FRY: variants seen among roughly 807,000 people sequenced by gnomAD.
The protein encoded by FRY is protein furry homolog.
A neutral mutation model predicts 348.4 loss-of-function variants in FRY; 128 were observed. That is an observed-to-expected ratio of 0.37 (90% CI 0.32 to 0.43). FRY has a LOEUF of 0.43. Ranked by LOEUF, FRY falls within the 20% of genes least tolerant of loss-of-function variation. The pLI, the probability that FRY is intolerant of heterozygous loss-of-function variation, is 1.00. For synonymous variants in FRY, 1,370 were observed against 1,374.7 expected, an observed-to-expected ratio of 1.00 and a Z score of 0.08; for missense variants, 2,736 against 3,695.2, an observed-to-expected ratio of 0.74 and a Z score of 6.73.
intron 57 of FRY, among the ~76,000 whole-genome samples, chr13:32,277,360 A>T (rs770671522): frequency 1.1e-4 from 17 of 152,242 alleles, no homozygotes; most frequent in Non-Finnish European, 2.2e-4. Flanking sequence ...TGTTGTGAAG[A>T]TATAACAATT....
chr13:32,131,930 A>G, intron 8 of FRY, 90 bp downstream of exon 8: 1 of 961,758 alleles, frequency 1.0e-6, no homozygotes, highest in Non-Finnish European at 1.7e-6. Flanking sequence ...AAAGCCAATT[A>G]CTTGTCAATA....
chr13:32,060,132 T>C (rs1873859049), intron 1 of FRY, among the ~76,000 whole-genome samples: 1 of 152,256 alleles, frequency 6.6e-6, no homozygotes. Context: ...TTACTTGGGT[T>C]TCGGTCTCTT....
intron 1 of FRY, among the ~76,000 whole-genome samples, chr13:32,056,626 C>G (rs2138425005): frequency 6.6e-6 from 1 of 152,336 alleles, no homozygotes; most frequent in Admixed American, 6.5e-5. Context: ...CCCTTAAACA[C>G]AGCCTCAGAG....
Position 32,234,729 on chromosome 13 carries a change from G to A in FRY, c.5683G>A (p.Glu1895Lys). 6.2e-7 allele frequency: 1 copy of A among 1,614,148 alleles called. No homozygotes were observed. The change falls in exon 42 of 61, where the codon GAG becomes AAG. Residue 1895 changes from glutamate to lysine, a missense_variant. Physicochemically the swap from Glu to Lys is moderately conservative, Grantham distance 56 (BLOSUM62 1). This residue lies in a region of FRY where 794 missense variants were observed against 977.0 expected (regional missense o/e 0.81). Transcript: ENST00000542859. ...ATCTGACCTTCTCTCAAGATTGGTG[G>A]AGGTGATAGGAGAACATGGAGATGA... Reference protein sequence around the residue: ...ALSDLLSRLVEVIGEHGDEIQ... With the variant: ...ALSDLLSRLVKVIGEHGDEIQ...
Position 32,043,879 on chromosome 13 carries a change from G to C in FRY, c.70+12014G>C, listed in dbSNP as rs117729467. On this transcript the variant is annotated intron_variant, in intron 1 of 60. Coordinates refer to ENST00000542859, the MANE Select transcript of FRY (RefSeq NM_023037.3). ...CAAATTATAAGAAATAATATTTTTA[G>C]ATCAATCACTTGAGCCCCTTAAGAT... Among the ~76,000 whole-genome samples the C allele has an allele frequency of 4.6e-5, 7 of 152,188 alleles. No individual in the cohort carries two copies. The East Asian group carries it at 1.2e-3, about 25-fold the overall frequency.
intron 58 of FRY, among the ~76,000 whole-genome samples, chr13:32,288,391 G>A (rs1258164778): frequency 1.3e-5 from 2 of 152,186 alleles, no homozygotes; most frequent in African/African-American, 4.8e-5. Flanking sequence ...CCAGTATTGA[G>A]AGATCAAAGA....
At chr13:32,171,434 C>T (rs1882062380) in intron 18 of FRY, among the ~76,000 whole-genome samples, 164 bp downstream of exon 18, 1 of 151,046 alleles carries the variant, frequency 6.6e-6, no homozygotes, top group African/African-American at 2.4e-5. Flanking sequence ...CCTCAGCCTC[C>T]CGAGTAGCTG....
At chr13:32,269,716 C>T (rs1888113506) in intron 55 of FRY, among the ~76,000 whole-genome samples, 1 of 151,378 alleles carries the variant, frequency 6.6e-6, no homozygotes, top group Admixed American at 6.6e-5. Flanking sequence ...AAAAAGATAA[C>T]TTATTAATCT....
intron 57 of FRY, among the ~76,000 whole-genome samples, chr13:32,278,171 T>C (rs1888630363): frequency 6.6e-6 from 1 of 152,214 alleles, no homozygotes; most frequent in African/African-American, 2.4e-5. Flanking sequence ...CCATATATAT[T>C]CATTTACACA....
intron 1 of FRY, among the ~76,000 whole-genome samples, chr13:32,054,499 A>C (rs1299153215): frequency 1.3e-5 from 2 of 152,188 alleles, no homozygotes; most frequent in Non-Finnish European, 2.9e-5. Flanking sequence ...GTCTATGTAT[A>C]TCAAGTACGT....
chr13:32,123,523 C>G (rs1878813128), intron 4 of FRY, among the ~76,000 whole-genome samples: 1 of 152,164 alleles, frequency 6.6e-6, no homozygotes, highest in South Asian at 2.1e-4. Context: ...CCCCTGCAGT[C>G]CTGCTCAAAT....
rs61946721 is a variant in FRY at position 32,149,663 on chromosome 13, G to C, written c.1393-85G>C. The C allele has an allele frequency of 6.3e-6, 5 of 795,122 alleles. No homozygotes were observed. The Admixed American group carries it at 9.8e-5, about 16-fold the overall frequency. 49.3% of individuals were successfully genotyped at this position (795,122 alleles called of 1,614,324 possible). A position where few individuals can be genotyped will look rare whatever the true frequency, so the allele number is the denominator to read the frequency against. On this transcript the variant is annotated intron_variant, in intron 13 of 60. Coordinates refer to ENST00000542859, the MANE Select transcript of FRY (RefSeq NM_023037.3). ...CTCCTCTTTTAGCCACCACCTGTTC[G>C]CTTGGTGCATATTGATGAAAATAGC...
At chr13:32,201,056 G>C (rs1342200540) in intron 29 of FRY, among the ~76,000 whole-genome samples, 2 of 152,154 alleles carry the variant, frequency 1.3e-5, no homozygotes, top group African/African-American at 4.8e-5. Context: ...TGAAACTTTA[G>C]GGTGAAGTCC....
intron 2 of FRY, among the ~76,000 whole-genome samples, chr13:32,079,707 C>T (rs938996606): frequency 2.0e-5 from 3 of 152,146 alleles, no homozygotes; most frequent in Non-Finnish European, 4.4e-5. Flanking sequence ...CTCTAAAGAG[C>T]ACTGAATCTC....
intron 2 of FRY, among the ~76,000 whole-genome samples, chr13:32,096,288 A>T (rs770081993): frequency 2.0e-5 from 3 of 152,194 alleles, no homozygotes; most frequent in Non-Finnish European, 4.4e-5. Flanking sequence ...AGTTATAGTC[A>T]GCCATTTAAC....
At chr13:32,156,455 G>T (rs1156333513) in intron 15 of FRY, among the ~76,000 whole-genome samples, 1 of 152,092 alleles carries the variant, frequency 6.6e-6, no homozygotes, top group East Asian at 1.9e-4. Context: ...TACAAAATTA[G>T]CTGGGCATGG....
intron 36 of FRY, among the ~76,000 whole-genome samples, chr13:32,221,876 A>C (rs61946737): frequency 0.029 from 4,471 of 152,286 alleles, 91 homozygotes; most frequent in Middle Eastern, 0.061. Flanking sequence ...TTGATGCTTT[A>C]CCATGTGCCA....
At chr13:32,091,605 G>A (rs754522268) in intron 2 of FRY, among the ~76,000 whole-genome samples, 1 of 152,210 alleles carries the variant, frequency 6.6e-6, no homozygotes, top group Non-Finnish European at 1.5e-5. Context: ...TTTCACAGTT[G>A]GGTCCACAGC....
intron 3 of FRY, among the ~76,000 whole-genome samples, chr13:32,103,491 C>T (rs1394961140): frequency 1.3e-5 from 2 of 152,178 alleles, no homozygotes; most frequent in Non-Finnish European, 2.9e-5. Context: ...GAACATCACA[C>T]ACCAGGGCCT....
Sources: gnomAD v4.1 joint callset for allele counts (sites outside exome capture counted in the v4.1 genomes callset) on GRCh38, gnomAD v4.1.1 for gene constraint, gnomAD v4.1.1 regional missense constraint, MANE v1.5 for transcripts, NCBI Gene and HGNC (gene_info 2026-07-23, HGNC 2026-07-21) for gene names.